The following EZH2 variants were observed in gnomAD, a reference collection of about 807,000 sequenced individuals.
The protein encoded by EZH2 is histone-lysine N-methyltransferase EZH2.
EZH2 carries 18 observed loss-of-function variants against 98.4 expected under a neutral mutation model. The ratio of observed to expected loss-of-function variants is 0.18; its 90% confidence interval spans 0.13 to 0.27. The LOEUF is 0.27. Among genes scored for constraint, EZH2 ranks in the 10% least tolerant of loss-of-function variants. The pLI, the probability that EZH2 is intolerant of heterozygous loss-of-function variation, is 1.00. For missense variants in EZH2, 470 were observed against 935.1 expected (o/e 0.50, Z 6.49); for synonymous variants, 338 against 312.3 (o/e 1.08, Z -0.87).
chr7:148,854,287 T>C (rs191210275), intron 1 of EZH2, among the ~76,000 whole-genome samples: 9 of 152,150 alleles, frequency 5.9e-5, no homozygotes, highest in African/African-American at 2.2e-4. Context: ...ATACAAAAAA[T>C]TAGCCAGGCG....
intron 8 of EZH2, 85 bp from the exon 9 acceptor site, chr7:148,819,772 T>A: frequency 8.8e-7 from 1 of 1,142,484 alleles, no homozygotes; most frequent in Non-Finnish European, 1.3e-6. Context: ...AAAAGTCAAT[T>A]AATGGATTAT....
intron 3 of EZH2, among the ~76,000 whole-genome samples, chr7:148,835,241 G>A (rs1019139574): frequency 2.0e-5 from 3 of 152,018 alleles, no homozygotes; most frequent in Non-Finnish European, 4.4e-5. Flanking sequence ...GCAACATGGG[G>A]AAACCCTGTC....
Position 148,848,171 on chromosome 7 carries a change from C to T in EZH2, c.-7-866G>A, listed in dbSNP as rs140649619. Among the ~76,000 whole-genome samples, 30 of 152,310 alleles carry T rather than the reference C, an allele frequency of 2.0e-4. No homozygotes were observed. In the East Asian group the frequency reaches 5.8e-3, roughly 29 times the overall value. On this transcript the variant is annotated intron_variant, in intron 1 of 19. Transcript: ENST00000320356. ...GTCAGGCTATGCAAAGCTTTACAGG[C>T]CACACTAACAATTTGTGCTTTATCT...
At position 148,859,597 on chromosome 7, in the gene EZH2, A is replaced by G. The variant is rs181118511; in HGVS notation, c.-7-12292T>C. Among the ~76,000 whole-genome samples, 32 of 152,244 alleles carry G rather than the reference A, an allele frequency of 2.1e-4. 1 individual carries two copies. In the East Asian group the frequency reaches 5.6e-3, roughly 27 times the overall value. On this transcript the variant is annotated intron_variant, in intron 1 of 19. Transcript: ENST00000320356. The stretch of plus-strand genomic sequence containing the variant: ...CTATGGGAGAAAAAACAATACAGGT[A>G]AGTGAGTTAAGGCAAGGGTGGCAAA...
intron 3 of EZH2, among the ~76,000 whole-genome samples, chr7:148,844,301 A>G (rs1191380097): frequency 6.6e-6 from 1 of 152,268 alleles, no homozygotes; most frequent in African/African-American, 2.4e-5. Context: ...CCATGAGACC[A>G]CTACAGTCCT....
At chr7:148,815,068 A>G (rs752132062) in intron 13 of EZH2, 29 bp from the exon 14 acceptor site, 39 of 1,609,382 alleles carry the variant, frequency 2.4e-5, no homozygotes, top group Non-Finnish European at 3.3e-5. Flanking sequence ...ATGCAGGCCA[A>G]TGAATCCAGG....
Position 148,839,459 on chromosome 7 carries a change from C to T in EZH2, c.247-6709G>A, listed in dbSNP as rs549858430. On this transcript the variant is annotated intron_variant, in intron 3 of 19. Coordinates refer to ENST00000320356, the MANE Select transcript of EZH2 (RefSeq NM_004456.5). ...TTGAAGTGAAGAAAGACTTTTGGAA[C>T]CTTTAAGAAAGACAAAAATTAAAAG... Among the ~76,000 whole-genome samples, 44 of 149,560 alleles carry T rather than the reference C, an allele frequency of 2.9e-4. 1 individual carries two copies. In the Middle Eastern group the frequency reaches 0.021, roughly 70 times the overall value.
chr7:148,866,705 CATAT>C (rs144369497), intron 1 of EZH2, among the ~76,000 whole-genome samples: 1 of 143,822 alleles, frequency 7.0e-6, no homozygotes, highest in Admixed American at 7.0e-5. Flanking sequence ...TACATATATG[CATAT>C]ATATATATAT....
At chr7:148,837,444 C>G (rs1811194861) in intron 3 of EZH2, among the ~76,000 whole-genome samples, 1 of 152,160 alleles carries the variant, frequency 6.6e-6, no homozygotes, top group African/African-American at 2.4e-5. Flanking sequence ...GGGGTGATTT[C>G]TGAAACTACC....
chr7:148,817,512 A>T (rs1362578092), intron 10 of EZH2, 121 bp from the exon 11 acceptor site: 1 of 935,520 alleles, frequency 1.1e-6, no homozygotes, highest in Non-Finnish European at 1.6e-6. Context: ...CAATCGGCAA[A>T]ACACTAACCC....
At chr7:148,809,708 AG>A (rs1802505299) in intron 17 of EZH2, among the ~76,000 whole-genome samples, 1 of 152,190 alleles carries the variant, frequency 6.6e-6, no homozygotes, top group African/African-American at 2.4e-5. Flanking sequence ...CATCACGAAT[AG>A]GCATTTTCAC....
At chr7:148,829,136 T>C (rs1273280954) in intron 5 of EZH2, among the ~76,000 whole-genome samples, 1 of 152,202 alleles carries the variant, frequency 6.6e-6, no homozygotes, top group Non-Finnish European at 1.5e-5. Context: ...CTGAATCTTC[T>C]AGGAACTGAT....
rs1585152778 is a variant in EZH2 at position 148,846,345 on chromosome 7, A to G, written c.246+125T>C. On this transcript the variant is annotated intron_variant, in intron 3 of 19. Transcript: ENST00000320356. ...CAGTCATTAACAGTTGCACATTAAA[A>G]AGAAATAGCAATAAAAAGATGGACA... is the stretch of plus-strand genomic sequence containing the variant. 7 of 1,004,278 alleles carry G rather than the reference A, an allele frequency of 7.0e-6. No individual in the cohort carries two copies. In the East Asian group the frequency reaches 1.8e-4, roughly 26 times the overall value. The allele number at this position is 1,004,278 out of a possible 1,614,324, so 62.2% of individuals were successfully genotyped here. A position where few individuals can be genotyped will look rare whatever the true frequency, so the allele number is the denominator to read the frequency against.
At chr7:148,883,804 C>G (rs1821387820) in intron 1 of EZH2, among the ~76,000 whole-genome samples, 1 of 151,930 alleles carries the variant, frequency 6.6e-6, no homozygotes, top group African/African-American at 2.4e-5. Context: ...ACTTGAGGCT[C>G]GAGCTGCCAC....
intron 19 of EZH2, among the ~76,000 whole-genome samples, chr7:148,808,045 G>A (rs1801978733): frequency 6.6e-6 from 1 of 152,170 alleles, no homozygotes; most frequent in African/African-American, 2.4e-5. Context: ...GCTTAGGCCT[G>A]ACGCTGGGAA....
In EZH2 at chr7:148,817,921, T is replaced by A. The variant is rs1191492481; in HGVS notation, c.1196A>T (p.Asp399Val). 2 of 1,614,242 alleles carry A rather than the reference T, an allele frequency of 1.2e-6. No individual in the cohort carries two copies. The highest frequency in any genetic ancestry group is 1.7e-6 in the Non-Finnish European group (2 of 1,180,038). Residue 399 changes from aspartate to valine, a missense_variant, in exon 10 of 20, where the codon GAT (aspartate) becomes GTT (valine). By Grantham distance (152) the Asp-to-Val change is radical (BLOSUM62 -3). Transcript: ENST00000320356. The part of the protein sequence containing the change: ...AGTETGGENN[D>V]KEEEEKKDET... ...ATCTTTCTTCTCTTCTTCTTCTTTA[T>A]CATTGTTCTCTCCCCCCGTTTCAGT... is the stretch of plus-strand genomic sequence containing the variant.
At chr7:148,813,142 A>C (rs550145887) in intron 15 of EZH2, among the ~76,000 whole-genome samples, 67 of 152,152 alleles carry the variant, frequency 4.4e-4, no homozygotes, top group African/African-American at 1.6e-3. Context: ...CTCCTTTACA[A>C]GTCTTGTGAC....
At chr7:148,833,596 G>C (rs999924587) in intron 3 of EZH2, among the ~76,000 whole-genome samples, 1 of 152,144 alleles carries the variant, frequency 6.6e-6, no homozygotes, top group African/African-American at 2.4e-5. Flanking sequence ...AGGGTAATGG[G>C]TTTGTGTTTC....
chr7:148,817,136 C>G (rs1804771197), intron 11 of EZH2, 86 bp downstream of exon 11: 1 of 1,304,412 alleles, frequency 7.7e-7, no homozygotes, highest in African/African-American at 1.5e-5. Flanking sequence ...TAGTAATAAC[C>G]AAGAATTTTC....
Sources: gnomAD v4.1 joint callset for allele counts (sites outside exome capture counted in the v4.1 genomes callset) on GRCh38, gnomAD v4.1.1 for gene constraint, MANE v1.5 for transcripts, NCBI Gene and HGNC (gene_info 2026-07-23, HGNC 2026-07-21) for gene names.